Variants in CLVS1 observed in about 807,000 individuals in gnomAD.
CLVS1 encodes clavesin 1.
In CLVS1, 10 loss-of-function variants were observed where a neutral mutation model predicts 33.1. The ratio of observed to expected loss-of-function variants is 0.30; its 90% confidence interval spans 0.19 to 0.51. CLVS1 has a LOEUF of 0.51. Ranked by LOEUF, CLVS1 falls within the 20% of genes least tolerant of loss-of-function variation. The pLI, the probability that CLVS1 is intolerant of heterozygous loss-of-function variation, is 0.97. For missense variants in CLVS1, 343 were observed against 433.4 expected (o/e 0.79, Z 1.85); for synonymous variants, 163 against 166.1 (o/e 0.98, Z 0.14).
chr8:61,269,097 C>T (rs1279030807), intron 2 of CLVS1, among the ~76,000 whole-genome samples: 3 of 148,768 alleles, frequency 2.0e-5, no homozygotes, highest in Non-Finnish European at 1.5e-5. Flanking sequence ...TTGCCCATGC[C>T]TATGTCCTGA....
chr8:61,359,680 G>T (rs1035730382), intron 2 of CLVS1, among the ~76,000 whole-genome samples: 2 of 152,142 alleles, frequency 1.3e-5, no homozygotes, highest in Admixed American at 6.5e-5. Flanking sequence ...ATCAATTTAG[G>T]TGTAAGAGCT....
the CLVS1 span, among the ~76,000 whole-genome samples, chr8:61,051,098 T>A: frequency 6.6e-6 from 1 of 152,202 alleles, no homozygotes; most frequent in African/African-American, 2.4e-5. Context: ...TTATCTCACC[T>A]GTCACGTTGC....
chr8:61,488,354 A>G lies in CLVS1; in HGVS notation c.978-11101A>G, dbSNP rs1304787385. Among the ~76,000 whole-genome samples the G allele has an allele frequency of 3.3e-5, 5 of 152,192 alleles. No individual in the cohort carries two copies. In the East Asian group the frequency reaches 9.6e-4, roughly 29 times the overall value. On this transcript the variant is annotated intron_variant, in intron 5 of 5. Coordinates refer to ENST00000325897, the MANE Select transcript of CLVS1 (RefSeq NM_173519.3). ...CAACGCAAGCTAGTTATGACCTTGA[A>G]TGCTCTCACACTTCAAGCTATGAGG...
At chr8:61,431,981 G>C (rs1454043726) in intron 3 of CLVS1, among the ~76,000 whole-genome samples, 1 of 152,152 alleles carries the variant, frequency 6.6e-6, no homozygotes, top group Admixed American at 6.5e-5. Context: ...TTTGTCACAT[G>C]CTGTCTATCT....
At chr8:61,348,149 T>C (rs916830594) in intron 2 of CLVS1, among the ~76,000 whole-genome samples, 1 of 152,032 alleles carries the variant, frequency 6.6e-6, no homozygotes, top group Non-Finnish European at 1.5e-5. Context: ...GTTTCCACTA[T>C]ATTACTCTCT....
chr8:61,114,018 C>A (rs1279195609), intron 1 of CLVS1, among the ~76,000 whole-genome samples: 1 of 152,220 alleles, frequency 6.6e-6, no homozygotes, highest in African/African-American at 2.4e-5. Context: ...GGCCCTGTAT[C>A]AACTACTCAA....
In CLVS1 at chr8:61,299,854, A is replaced by T. The variant is rs747753203; in HGVS notation, c.27A>T (p.Lys9Asn). The stretch of plus-strand genomic sequence containing the variant: ...TGGGACCAGTCTCTCTTCTTCCAAA[A>T]TATCAGAAGTTAAACACTTGGAACG... Reference protein sequence around the residue: MGPVSLLPKYQKLNTWNGD... With the variant: MGPVSLLPNYQKLNTWNGD... Residue 9 changes from lysine (K) to asparagine (N), a missense_variant, in exon 2 of 6, where the codon AAA becomes AAT. Transcript: ENST00000325897. 2 of 1,611,910 alleles carry T rather than the reference A, an allele frequency of 1.2e-6. No homozygotes were observed. Among genetic ancestry groups the T allele is most frequent in the East Asian group, 4.5e-5 (2 of 44,832 alleles).
chr8:61,351,273 A>C (rs1028640871), intron 2 of CLVS1, among the ~76,000 whole-genome samples: 1 of 152,162 alleles, frequency 6.6e-6, no homozygotes, highest in African/African-American at 2.4e-5. Flanking sequence ...AAAAAATTTA[A>C]CAAAATAAAA....
At chr8:61,442,604 G>A (rs1816596321) in intron 3 of CLVS1, among the ~76,000 whole-genome samples, 1 of 152,064 alleles carries the variant, frequency 6.6e-6, no homozygotes, top group African/African-American at 2.4e-5. Flanking sequence ...GCATTTGGAG[G>A]TGTCACTTTT....
intron 2 of CLVS1, among the ~76,000 whole-genome samples, chr8:61,250,551 A>G (rs1808918841): frequency 6.6e-6 from 1 of 152,214 alleles, no homozygotes; most frequent in African/African-American, 2.4e-5. Flanking sequence ...ATCCATGAGC[A>G]TGGAATGTTT....
At chr8:61,472,414 C>A (rs556669144) in intron 5 of CLVS1, among the ~76,000 whole-genome samples, 2 of 151,756 alleles carry the variant, frequency 1.3e-5, no homozygotes, top group African/African-American at 4.8e-5. Context: ...AGGAAGGAAA[C>A]AACAAAAGAA....
At chr8:61,081,879 T>C (rs1053465813) in intron 1 of CLVS1, among the ~76,000 whole-genome samples, 4 of 152,200 alleles carry the variant, frequency 2.6e-5, no homozygotes, top group Non-Finnish European at 4.4e-5. Flanking sequence ...CAGTATTGGG[T>C]TCCTTTTACC....
At chr8:61,158,414 A>G (rs1328524653) in intron 2 of CLVS1, among the ~76,000 whole-genome samples, 2 of 152,200 alleles carry the variant, frequency 1.3e-5, no homozygotes, top group East Asian at 3.9e-4. Context: ...TACATTTAAG[A>G]TCTGAGCACT....
intron 2 of CLVS1, among the ~76,000 whole-genome samples, chr8:61,193,395 G>T (rs1444870411): frequency 1.3e-5 from 2 of 152,036 alleles, no homozygotes; most frequent in Non-Finnish European, 2.9e-5. Flanking sequence ...GGGAGGGATA[G>T]CATTAGGAGA....
At chr8:61,407,231 C>T (rs992607578) in intron 3 of CLVS1, among the ~76,000 whole-genome samples, 1 of 152,214 alleles carries the variant, frequency 6.6e-6, no homozygotes, top group African/African-American at 2.4e-5. Flanking sequence ...CATACCTAAA[C>T]ACACGGTAGA....
chr8:61,440,082 TC>T (rs1816483065), intron 3 of CLVS1, among the ~76,000 whole-genome samples: 1 of 152,222 alleles, frequency 6.6e-6, no homozygotes, highest in Non-Finnish European at 1.5e-5. Flanking sequence ...ATCTTCTCTT[TC>T]CCTCAAATAA....
chr8:61,115,836 C>T (rs1215150602), intron 1 of CLVS1, among the ~76,000 whole-genome samples: 1 of 147,332 alleles, frequency 6.8e-6, no homozygotes, highest in East Asian at 2.0e-4. Flanking sequence ...AATAAACATA[C>T]GTGTGCATGT....
intron 2 of CLVS1, among the ~76,000 whole-genome samples, chr8:61,343,239 G>A (rs1812088771): frequency 6.6e-6 from 1 of 152,192 alleles, no homozygotes; most frequent in Admixed American, 6.5e-5. Context: ...ATAGCAAAAT[G>A]TTTGTTTTTC....
intron 1 of CLVS1, among the ~76,000 whole-genome samples, chr8:61,114,142 A>C (rs897586802): frequency 3.9e-5 from 6 of 152,222 alleles, no homozygotes; most frequent in Non-Finnish European, 8.8e-5. Context: ...GATAGTTTTC[A>C]TGTTGTGAAA....
Sources: allele counts gnomAD v4.1 joint callset (sites outside exome capture counted in the v4.1 genomes callset), GRCh38; gene constraint gnomAD v4.1.1; transcripts MANE v1.5; gene names NCBI Gene and HGNC (gene_info 2026-07-23, HGNC 2026-07-21).